KCNH5: variants seen among roughly 807,000 people sequenced by gnomAD.
KCNH5 encodes voltage-gated delayed rectifier potassium channel KCNH5.
In KCNH5, 46 loss-of-function variants were observed where a neutral mutation model predicts 96.1. That is an observed-to-expected ratio of 0.48 (90% CI 0.38 to 0.61). The LOEUF is 0.61. Among genes scored for constraint, KCNH5 ranks in the 20% least tolerant of loss-of-function variants. The pLI, the probability that KCNH5 is intolerant of heterozygous loss-of-function variation, is 0.00. For synonymous variants in KCNH5, 439 were observed against 449.8 expected, an observed-to-expected ratio of 0.98 and a Z score of 0.30; for missense variants, 907 against 1,225.8, an observed-to-expected ratio of 0.74 and a Z score of 3.88.
chr14:62,758,931 C>T (rs1022562512), intron 10 of KCNH5, among the ~76,000 whole-genome samples: 3 of 152,154 alleles, frequency 2.0e-5, no homozygotes, highest in Non-Finnish European at 4.4e-5. Context: ...GCTAGCAATC[C>T]AAGGGACACA....
intron 7 of KCNH5, among the ~76,000 whole-genome samples, chr14:62,856,860 TC>T (rs1381836651): frequency 6.6e-6 from 1 of 151,956 alleles, no homozygotes; most frequent in Admixed American, 6.6e-5. Flanking sequence ...ACTGGTCTCA[TC>T]AATAACTTTA....
chr14:62,781,540 G>C (rs1382118558), intron 9 of KCNH5, among the ~76,000 whole-genome samples: 1 of 152,192 alleles, frequency 6.6e-6, no homozygotes, highest in Non-Finnish European at 1.5e-5. Flanking sequence ...GGCCACGCCC[G>C]GCGGGGGGTG....
At position 62,705,039 on chromosome 14, in the gene KCNH5, T is replaced by A. The variant is rs576150040; in HGVS notation, c.*2469A>T. ...AACAGAGATGGCTGAAAAGACACTA[T>A]GATAACTGCACCATAATTAAACAAT... On this transcript the variant is annotated 3_prime_UTR_variant, in exon 11 of 11. Transcript: ENST00000322893. The A allele has an allele frequency of 6.6e-6, 1 of 152,078 alleles. No individual in the cohort carries two copies. Among genetic ancestry groups the A allele is most frequent in the South Asian group, 2.1e-4 (1 of 4,828 alleles). The allele number at this position is 152,078 out of a possible 1,614,324, so 9.4% of individuals were successfully genotyped here. A position where few individuals can be genotyped will look rare whatever the true frequency, so the allele number is the denominator to read the frequency against.
At chr14:62,880,894 C>A (rs1159082725) in intron 7 of KCNH5, among the ~76,000 whole-genome samples, 1 of 152,128 alleles carries the variant, frequency 6.6e-6, no homozygotes, top group Non-Finnish European at 1.5e-5. Flanking sequence ...TGTTGCCAAA[C>A]AGAATTTGGA....
chr14:62,986,425 A>G (rs567946509), intron 5 of KCNH5, among the ~76,000 whole-genome samples: 91 of 152,204 alleles, frequency 6.0e-4, no homozygotes, highest in African/African-American at 2.1e-3. Flanking sequence ...ATATGAGTTC[A>G]ACTACAGTAA....
At chr14:62,899,820 C>A (rs1181036798) in intron 7 of KCNH5, among the ~76,000 whole-genome samples, 2 of 121,876 alleles carry the variant, frequency 1.6e-5, no homozygotes, top group Non-Finnish European at 3.3e-5. Flanking sequence ...GGCGACAGAG[C>A]GAGACTCCGT....
chr14:62,986,512 T>C (rs988306580), intron 5 of KCNH5, among the ~76,000 whole-genome samples: 2 of 152,098 alleles, frequency 1.3e-5, no homozygotes, highest in African/African-American at 4.8e-5. Context: ...GAATAAACTA[T>C]ATCCCTTCTT....
intron 10 of KCNH5, among the ~76,000 whole-genome samples, chr14:62,763,334 C>G (rs1318302111): frequency 6.6e-6 from 1 of 151,988 alleles, no homozygotes; most frequent in Non-Finnish European, 1.5e-5. Context: ...TCAAGAAATT[C>G]TTTGAAAGTA....
chr14:62,819,624 T>C (rs1887073474), intron 8 of KCNH5, among the ~76,000 whole-genome samples: 1 of 152,188 alleles, frequency 6.6e-6, no homozygotes, highest in Admixed American at 6.5e-5. Flanking sequence ...ATGTGAATTA[T>C]ATCTCAATTT....
At chr14:62,890,794 T>C (rs1334989530) in intron 7 of KCNH5, among the ~76,000 whole-genome samples, 1 of 150,292 alleles carries the variant, frequency 6.7e-6, no homozygotes, top group Non-Finnish European at 1.5e-5. Context: ...GCAAAAAAAC[T>C]CAGTATCACT....
chr14:62,915,654 T>A (rs1331327105), intron 7 of KCNH5, among the ~76,000 whole-genome samples: 2 of 152,124 alleles, frequency 1.3e-5, no homozygotes, highest in East Asian at 3.9e-4. Context: ...TGGAAAAAAA[T>A]GCTATTCCAA....
chr14:62,878,470 T>G (rs1443854085), intron 7 of KCNH5, among the ~76,000 whole-genome samples: 3 of 152,146 alleles, frequency 2.0e-5, no homozygotes, highest in Non-Finnish European at 4.4e-5. Flanking sequence ...ATAATTGGAC[T>G]TCTTGACAAT....
At chr14:62,816,696 A>G (rs9635173) in intron 8 of KCNH5, among the ~76,000 whole-genome samples, 82,012 of 151,234 alleles carry the variant, frequency 0.54, 22,594 homozygotes, top group South Asian at 0.79. Context: ...CATAAATAAT[A>G]TATAAGAAAC....
rs1234604515 is a variant in KCNH5 at position 62,702,220 on chromosome 14, A to G, written c.*5288T>C. The G allele has an allele frequency of 6.6e-6, 1 of 152,088 alleles. No individual in the cohort carries two copies. The highest frequency in any genetic ancestry group is 2.4e-5 in the African/African-American group (1 of 41,438). 9.4% of individuals were successfully genotyped at this position (152,088 alleles called of 1,614,324 possible). ...ATGTCTTTCAACTGTTAGGAGAAGT[A>G]AAGGAAAATTCCACTGTTGGGACAG... is the stretch of plus-strand genomic sequence containing the variant. On this transcript the variant is annotated 3_prime_UTR_variant, in exon 11 of 11. Transcript: ENST00000322893.
intron 6 of KCNH5, among the ~76,000 whole-genome samples, chr14:62,962,852 T>C (rs1566723658): frequency 6.6e-6 from 1 of 152,188 alleles, no homozygotes; most frequent in South Asian, 2.1e-4. Flanking sequence ...TACAGTGTTC[T>C]TCCCAAAGGT....
chr14:62,903,162 G>T (rs191751326), intron 7 of KCNH5, among the ~76,000 whole-genome samples: 3 of 152,130 alleles, frequency 2.0e-5, no homozygotes, highest in Admixed American at 6.5e-5. Flanking sequence ...GTACAATACA[G>T]TAGCCCTTCA....
chr14:62,745,195 T>A (rs1220119491), intron 10 of KCNH5, among the ~76,000 whole-genome samples: 2 of 152,180 alleles, frequency 1.3e-5, no homozygotes, highest in Admixed American at 6.5e-5. Flanking sequence ...AATAAATTCA[T>A]GGCTGGTTAC....
Position 62,940,858 on chromosome 14 carries a change from A to T in KCNH5, c.1369+9275T>A, listed in dbSNP as rs1889773668. 1.3e-5 allele frequency among the ~76,000 whole-genome samples: 2 copies of T among 152,204 alleles called. 1 individual carries two copies. Among genetic ancestry groups the T allele is most frequent in the South Asian group, 4.1e-4 (2 of 4,834 alleles). On this transcript the variant is annotated intron_variant, in intron 7 of 10. Transcript: ENST00000322893. ...TCAATGGGCACAACCATCAAGTAGGAGATAATGCTTTGTGCTAAATACACA... is the reference window on the plus strand; with the variant it reads ...TCAATGGGCACAACCATCAAGTAGGTGATAATGCTTTGTGCTAAATACACA...
At chr14:62,991,150 G>A (rs1482264804) in intron 4 of KCNH5, among the ~76,000 whole-genome samples, 1 of 151,928 alleles carries the variant, frequency 6.6e-6, no homozygotes, top group Non-Finnish European at 1.5e-5. Context: ...TTTACTGAAT[G>A]GTTTTGTTTA....
Sources: allele counts gnomAD v4.1 joint callset (sites outside exome capture counted in the v4.1 genomes callset), GRCh38; gene constraint gnomAD v4.1.1; transcripts MANE v1.5; gene names NCBI Gene and HGNC (gene_info 2026-07-23, HGNC 2026-07-21).